The following AIG1 variants were observed in gnomAD, a reference collection of about 807,000 sequenced individuals.
AIG1 encodes androgen induced 1.
AIG1 carries 23 observed loss-of-function variants against 31.4 expected under a neutral mutation model. That is an observed-to-expected ratio of 0.73 (90% CI 0.53 to 1.04). AIG1 has a LOEUF of 1.04. Ranked by LOEUF, AIG1 falls within the 50% of genes least tolerant of loss-of-function variation. The pLI, the probability that AIG1 is intolerant of heterozygous loss-of-function variation, is 0.00. For missense variants in AIG1, 274 were observed against 295.0 expected, an observed-to-expected ratio of 0.93 and a Z score of 0.52; for synonymous variants, 100 against 110.5, an observed-to-expected ratio of 0.90 and a Z score of 0.60.
At chr6:143,105,935 A>C (rs899833619) in intron 1 of AIG1, among the ~76,000 whole-genome samples, 1 of 152,188 alleles carries the variant, frequency 6.6e-6, no homozygotes, top group Non-Finnish European at 1.5e-5. Context: ...AGGTCTGGTG[A>C]ATGGTTCTAG....
At chr6:143,190,441 A>G in intron 3 of AIG1, 1 of 985,420 alleles carries the variant, frequency 1.0e-6, no homozygotes, top group Non-Finnish European at 1.2e-6. Context: ...CATTTTAGAG[A>G]TGAGAGAAGT....
intron 4 of AIG1, among the ~76,000 whole-genome samples, chr6:143,296,657 C>A (rs56406616): frequency 6.6e-6 from 1 of 152,184 alleles, no homozygotes; most frequent in Non-Finnish European, 1.5e-5. Flanking sequence ...GAAGAGTTAT[C>A]TGTGCCAGAG....
intron 3 of AIG1, among the ~76,000 whole-genome samples, chr6:143,174,980 A>G (rs992830729): frequency 1.3e-5 from 2 of 152,184 alleles, no homozygotes; most frequent in African/African-American, 4.8e-5. Flanking sequence ...AGCTCCTTTT[A>G]GCAGTTCTTA....
At chr6:143,244,880 A>G (rs1337600529) in intron 3 of AIG1, among the ~76,000 whole-genome samples, 1 of 152,180 alleles carries the variant, frequency 6.6e-6, no homozygotes, top group Non-Finnish European at 1.5e-5. Context: ...TCACAACCCA[A>G]AGCACTTGAA....
At position 143,317,027 on chromosome 6, in the gene AIG1, C is replaced by CA. The variant is rs879477444; in HGVS notation, c.516-16244dup. On this transcript the variant is annotated intron_variant, in intron 4 of 5. Transcript: ENST00000357847. Reference sequence around the variant, plus strand: ...GAAATGGTAATTTTTAAATTGCCAACAAAAAAAAAAATCCAGGACCAGTTG... The same window carrying CA: ...GAAATGGTAATTTTTAAATTGCCAACAAAAAAAAAAAATCCAGGACCAGTTG... Among the ~76,000 whole-genome samples, 105 of 143,190 alleles carry CA rather than the reference C, an allele frequency of 7.3e-4. No homozygotes were observed. The Middle Eastern group carries it at 0.011, about 15-fold the overall frequency. 93.9% of individuals were successfully genotyped at this position (143,190 alleles called of 152,430 possible). A position where few individuals can be genotyped will look rare whatever the true frequency, so the allele number is the denominator to read the frequency against.
At chr6:143,302,812 A>C (rs1798926672) in intron 4 of AIG1, among the ~76,000 whole-genome samples, 1 of 152,222 alleles carries the variant, frequency 6.6e-6, no homozygotes, top group Non-Finnish European at 1.5e-5. Context: ...TGACTTCCAC[A>C]ATGGATGAAC....
intron 1 of AIG1, among the ~76,000 whole-genome samples, chr6:143,068,653 G>A (rs2128459590): frequency 6.6e-6 from 1 of 152,230 alleles, no homozygotes; most frequent in East Asian, 1.9e-4. Flanking sequence ...GCAAATACAG[G>A]AAACAATAGA....
chr6:143,302,406 G>A (rs1798893421), intron 4 of AIG1, among the ~76,000 whole-genome samples: 2 of 151,144 alleles, frequency 1.3e-5, no homozygotes, highest in African/African-American at 2.4e-5. Flanking sequence ...CTCAGAGTGT[G>A]ACATTCCCCT....
At chr6:143,233,587 AAAAAG>A (rs893959161) in intron 3 of AIG1, among the ~76,000 whole-genome samples, 161 of 148,772 alleles carry the variant, frequency 1.1e-3, no homozygotes, top group East Asian at 1.8e-3. Context: ...ACCAAAAAAA[AAAAAG>A]AAAAGAAAAG....
chr6:143,317,998 C>G (rs1775904438), intron 4 of AIG1, among the ~76,000 whole-genome samples: 2 of 151,890 alleles, frequency 1.3e-5, no homozygotes, highest in Admixed American at 1.3e-4. Context: ...AAATTATAGA[C>G]TACACAAACA....
intron 3 of AIG1, among the ~76,000 whole-genome samples, chr6:143,259,737 A>G (rs560917545): frequency 6.6e-6 from 1 of 152,328 alleles, no homozygotes; most frequent in Non-Finnish European, 1.5e-5. Flanking sequence ...TTTACCAGCC[A>G]GAAACCCAAA....
chr6:143,168,332 G>A (rs1787161841), intron 3 of AIG1, among the ~76,000 whole-genome samples: 1 of 151,596 alleles, frequency 6.6e-6, no homozygotes, highest in Non-Finnish European at 1.5e-5. Flanking sequence ...ATGTATACAT[G>A]TGCCATGTTG....
intron 1 of AIG1, among the ~76,000 whole-genome samples, chr6:143,113,216 A>AG (rs1329251106): frequency 6.6e-6 from 1 of 151,994 alleles, no homozygotes; most frequent in African/African-American, 2.4e-5. Context: ...AGAAAAAAAA[A>AG]AAGAGAAAAA....
At chr6:143,264,331 A>G (rs4458714) in intron 3 of AIG1, among the ~76,000 whole-genome samples, 1,573 of 152,168 alleles carry the variant, frequency 0.01, 45 homozygotes, top group East Asian at 0.065. Context: ...TCTGGTGTCC[A>G]GTAACTTGTG....
intron 3 of AIG1, among the ~76,000 whole-genome samples, chr6:143,213,508 C>CTTTTTTTTTTTTTTTTTTT (rs746350692): frequency 4.9e-5 from 3 of 61,200 alleles, no homozygotes; most frequent in African/African-American, 1.7e-4. Context: ...TTTCTTTCTT[C>CTTTTTTTTTTTTTTTTTTT]TTTTTTTTTT....
intron 2 of AIG1, among the ~76,000 whole-genome samples, chr6:143,157,796 C>T (rs566047482): frequency 1.3e-4 from 20 of 152,252 alleles, no homozygotes; most frequent in African/African-American, 4.8e-4. Context: ...ATTATTTGAT[C>T]ATGAATTATA....
chr6:143,149,517 A>C (rs1378162816), intron 2 of AIG1, among the ~76,000 whole-genome samples: 1 of 129,254 alleles, frequency 7.7e-6, no homozygotes, highest in Non-Finnish European at 1.6e-5. Flanking sequence ...TGGGAGAGAG[A>C]GTGAGACTCT....
chr6:143,226,947 A>T (rs888205673), intron 3 of AIG1, among the ~76,000 whole-genome samples: 1 of 150,956 alleles, frequency 6.6e-6, no homozygotes, highest in African/African-American at 2.4e-5. Context: ...GCTACCCAAC[A>T]CAAATTTATA....
At chr6:143,208,269 T>G (rs969734120) in intron 3 of AIG1, among the ~76,000 whole-genome samples, 2 of 152,306 alleles carry the variant, frequency 1.3e-5, no homozygotes, top group Non-Finnish European at 1.5e-5. Flanking sequence ...CAAGCAACAC[T>G]CTTTATTAAA....
Sources: gnomAD v4.1 joint callset for allele counts (sites outside exome capture counted in the v4.1 genomes callset) on GRCh38, gnomAD v4.1.1 for gene constraint, MANE v1.5 for transcripts, NCBI Gene and HGNC (gene_info 2026-07-23, HGNC 2026-07-21) for gene names.